Variants in EYS observed in about 807,000 individuals in gnomAD.
EYS encodes the protein EGF-like photoreceptor maintenance factor.
EYS carries 250 observed loss-of-function variants against 282.1 expected under a neutral mutation model. The observed-to-expected ratio is 0.89, with a 90% CI of 0.80 to 0.98. The LOEUF (loss-of-function observed/expected upper bound fraction) is 0.98. EYS is among the 50% of genes least tolerant of loss of function. The pLI is 0.00. For missense variants in EYS, 4,016 were observed against 3,709.0 expected (o/e 1.08, Z -2.15); for synonymous variants, 1,355 against 1,282.9 (o/e 1.06, Z -1.20).
At chr6:65,487,618 T>C (rs927361624) in intron 5 of EYS, among the ~76,000 whole-genome samples, 2 of 152,180 alleles carry the variant, frequency 1.3e-5, no homozygotes, top group Non-Finnish European at 2.9e-5. Context: ...TCATCAGGGA[T>C]ATTGACCTAA....
rs1050504665 is a variant in EYS, at chr6:65,612,870, TG to T, written c.-333+26907del. Among the ~76,000 whole-genome samples the T allele has an allele frequency of 5.3e-5, 8 of 151,798 alleles. No homozygotes were observed. The South Asian group carries it at 6.2e-4, about 12-fold the overall frequency. On this transcript the variant is annotated intron_variant, in intron 2 of 42. Transcript: ENST00000503581. ...ATATTTTCCCTCCTTTTAAGTATTT[TG>T]TTTTTTTTACTTATTTTACTTTTTC... is the stretch of plus-strand genomic sequence containing the variant.
At chr6:63,995,096 T>G (rs528054078) in intron 34 of EYS, among the ~76,000 whole-genome samples, 1 of 151,882 alleles carries the variant, frequency 6.6e-6, no homozygotes, top group South Asian at 2.1e-4. Context: ...ACCTACAGAA[T>G]GGGAGAAAAT....
chr6:65,499,533 T>C (rs1489286924), intron 2 of EYS, among the ~76,000 whole-genome samples: 1 of 152,014 alleles, frequency 6.6e-6, no homozygotes, highest in Non-Finnish European at 1.5e-5. Flanking sequence ...TTTTTATTTG[T>C]ATAAATTATA....
intron 34 of EYS, among the ~76,000 whole-genome samples, chr6:63,996,894 C>T (rs912800787): frequency 1.3e-5 from 2 of 152,036 alleles, no homozygotes; most frequent in African/African-American, 4.8e-5. Flanking sequence ...CCAGAAAAAC[C>T]TCCAAATTAA....
intron 26 of EYS, among the ~76,000 whole-genome samples, chr6:64,583,642 A>C (rs2149826186): frequency 6.6e-6 from 1 of 152,212 alleles, no homozygotes; most frequent in African/African-American, 2.4e-5. Flanking sequence ...CTAAAAATAC[A>C]AAATTAGCCA....
intron 22 of EYS, among the ~76,000 whole-genome samples, chr6:64,675,335 A>G (rs956963362): frequency 3.9e-5 from 6 of 152,040 alleles, no homozygotes; most frequent in Non-Finnish European, 5.9e-5. Flanking sequence ...AATAAATGCA[A>G]TAGCAAAATA....
At chr6:63,737,810 G>A (rs879315334) in intron 41 of EYS, among the ~76,000 whole-genome samples, 19 of 152,068 alleles carry the variant, frequency 1.2e-4, no homozygotes, top group Non-Finnish European at 2.8e-4. Context: ...CCTACAAAAT[G>A]GGAGAAAATT....
chr6:64,810,499 A>G (rs1764560426), intron 22 of EYS, among the ~76,000 whole-genome samples: 1 of 152,102 alleles, frequency 6.6e-6, no homozygotes, highest in African/African-American at 2.4e-5. Context: ...TTAATATGTG[A>G]ATCTTACAAC....
chr6:64,579,939 A>G (rs1450745143), intron 26 of EYS, among the ~76,000 whole-genome samples: 1 of 152,096 alleles, frequency 6.6e-6, no homozygotes, highest in South Asian at 2.1e-4. Context: ...ACTCTTAGCC[A>G]TCATTAAGTT....
intron 5 of EYS, among the ~76,000 whole-genome samples, chr6:65,436,084 T>G (rs1768065732): frequency 6.6e-6 from 1 of 152,122 alleles, no homozygotes; most frequent in Non-Finnish European, 1.5e-5. Flanking sequence ...CATTTTATTT[T>G]AAAATACATA....
chr6:64,499,909 A>C (rs1163800809), intron 26 of EYS, among the ~76,000 whole-genome samples: 1 of 152,178 alleles, frequency 6.6e-6, no homozygotes, highest in East Asian at 1.9e-4. Flanking sequence ...TTGGAAAGTT[A>C]TAATGATACC....
In EYS at chr6:65,060,743, CAT is replaced by C. The variant is rs532091273; in HGVS notation, c.2024-3018_2024-3017del. On this transcript the variant is annotated intron_variant, in intron 12 of 42. Coordinates refer to ENST00000503581, the MANE Select transcript of EYS (RefSeq NM_001142800.2). ...CTGCAGTCAGTTGCATATATAAATACATATATATATATGTGTATATACATGTG... is the reference window on the plus strand; with the variant it reads ...CTGCAGTCAGTTGCATATATAAATACATATATATATGTGTATATACATGTG... 5.9e-3 allele frequency among the ~76,000 whole-genome samples: 859 copies of C among 146,580 alleles called. 10 individuals carry two copies. The highest frequency in any genetic ancestry group is 0.02 in the African/African-American group (791 of 39,668).
At chr6:64,445,926 C>T (rs1472650239) in intron 26 of EYS, among the ~76,000 whole-genome samples, 3 of 151,772 alleles carry the variant, frequency 2.0e-5, no homozygotes, top group Non-Finnish European at 4.4e-5. Flanking sequence ...GGAGGAAAAC[C>T]TCAACATCTA....
chr6:64,960,268 T>C (rs1224984992), intron 14 of EYS, among the ~76,000 whole-genome samples: 2 of 152,148 alleles, frequency 1.3e-5, no homozygotes, highest in Non-Finnish European at 2.9e-5. Flanking sequence ...TTTGATTATG[T>C]AGAATATGTA....
intron 1 of EYS, among the ~76,000 whole-genome samples, chr6:65,703,545 C>T (rs923767601): frequency 3.3e-5 from 5 of 151,384 alleles, no homozygotes; most frequent in Non-Finnish European, 7.4e-5. Context: ...TTTGAATGAG[C>T]AAAGTGCATT....
At chr6:64,969,439 G>C (rs1360592464) in intron 14 of EYS, among the ~76,000 whole-genome samples, 1 of 152,106 alleles carries the variant, frequency 6.6e-6, no homozygotes, top group South Asian at 2.1e-4. Context: ...CATTGAAAAA[G>C]GCAAAGATTA....
At chr6:65,296,747 C>T (rs551127620) in intron 11 of EYS, among the ~76,000 whole-genome samples, 10 of 151,734 alleles carry the variant, frequency 6.6e-5, no homozygotes, top group South Asian at 6.2e-4. Flanking sequence ...TTGCAAATTT[C>T]GACGAGATTT....
rs559097216 is a variant in EYS, at chr6:65,627,323, G to GATGGTTGCATTTGTA, written c.-333+12440_-333+12454dup. 3.7e-3 allele frequency among the ~76,000 whole-genome samples: 560 copies of GATGGTTGCATTTGTA among 152,248 alleles called. 2 individuals are homozygous for GATGGTTGCATTTGTA. Among genetic ancestry groups the GATGGTTGCATTTGTA allele is most frequent in the Non-Finnish European group, 5.9e-3 (401 of 68,026 alleles). ...AACAAGTTTAACAAAGAGAATTTGT[G>GATGGTTGCATTTGTA]ATGGTTGCATTTGTAATGGTACTGA... On this transcript the variant is annotated intron_variant, in intron 2 of 42. Coordinates refer to ENST00000503581, the MANE Select transcript of EYS (RefSeq NM_001142800.2).
At chr6:65,398,155 T>C (rs1036111339) in intron 7 of EYS, among the ~76,000 whole-genome samples, 4 of 152,218 alleles carry the variant, frequency 2.6e-5, no homozygotes, top group African/African-American at 9.6e-5. Context: ...TTCTGAATAC[T>C]AGCCTTTTGA....
Sources: allele counts gnomAD v4.1 joint callset (sites outside exome capture counted in the v4.1 genomes callset), GRCh38; gene constraint gnomAD v4.1.1; transcripts MANE v1.5; gene names NCBI Gene and HGNC (gene_info 2026-07-23, HGNC 2026-07-21).